The following ELK4 variants were observed in gnomAD, a reference collection of about 807,000 sequenced individuals.
ELK4 encodes ETS transcription factor ELK4, also known as ETS domain-containing protein Elk-4.
A neutral mutation model predicts 29.6 loss-of-function variants in ELK4; 16 were observed. The observed-to-expected ratio is 0.54, with a 90% CI of 0.37 to 0.82. The LOEUF is 0.82. Among genes scored for constraint, ELK4 ranks in the 40% least tolerant of loss-of-function variants. The probability of loss-of-function intolerance (pLI) is 0.00; values close to 1 mark genes in which losing one functional copy is unlikely to be tolerated. For missense variants in ELK4, 465 were observed against 507.1 expected (o/e 0.92, Z 0.80); for synonymous variants, 213 against 191.1 (o/e 1.11, Z -0.95).
At chr1:205,619,936 T>C (rs773513586) in intron 3 of ELK4, 30 bp downstream of exon 3, 2 of 1,614,014 alleles carry the variant, frequency 1.2e-6, no homozygotes, top group Non-Finnish European at 1.7e-6. Flanking sequence ...ATGAAAGCAA[T>C]GGTGACACCA....
At position 205,631,731 on chromosome 1, in the gene ELK4, G is replaced by A. The variant is rs1670595604; in HGVS notation, c.-109C>T. 3.2e-6 allele frequency: 1 copy of A among 310,590 alleles called. No individual in the cohort carries two copies. The highest frequency in any genetic ancestry group is 6.8e-6 in the Non-Finnish European group (1 of 147,862). 19.2% of individuals were successfully genotyped at this position (310,590 alleles called of 1,614,324 possible). A position where few individuals can be genotyped will look rare whatever the true frequency, so the allele number is the denominator to read the frequency against. ...CACGCTGGAAACTCGAGGACGGCGC[G>A]GCAGCCGCTGCGACCCCCGCGGCGG... On this transcript the variant is annotated 5_prime_UTR_variant, in exon 1 of 5. Transcript: ENST00000357992.
chr1:205,617,986 A>T (rs28495285), intron 4 of ELK4, among the ~76,000 whole-genome samples: 5,024 of 124,318 alleles, frequency 0.04, 109 homozygotes, highest in African/African-American at 0.069. Flanking sequence ...TGTGTGTGTG[A>T]GAGAGAGAGA....
At chr1:205,629,764 GAC>G (rs1670541173) in intron 1 of ELK4, among the ~76,000 whole-genome samples, 2 of 150,654 alleles carry the variant, frequency 1.3e-5, no homozygotes, top group African/African-American at 4.9e-5. Flanking sequence ...AATCCCCTAA[GAC>G]AGTTATTAAA....
chr1:205,620,990 A>G, intron 2 of ELK4, 152 bp from the exon 3 acceptor site: 2 of 874,334 alleles, frequency 2.3e-6, no homozygotes, highest in Non-Finnish European at 3.4e-6. Flanking sequence ...AGGTCAGGAG[A>G]TTGAGACCAG....
chr1:205,629,616 C>G (rs1489705271), intron 1 of ELK4, among the ~76,000 whole-genome samples: 1 of 152,056 alleles, frequency 6.6e-6, no homozygotes, highest in Non-Finnish European at 1.5e-5. Flanking sequence ...ACTAGGGAGG[C>G]TGAGGCAGAA....
rs554517642 is a variant in ELK4 at position 205,626,096 on chromosome 1, C to G, written c.-9-2205G>C. 2.7e-5 allele frequency: 24 copies of G among 892,608 alleles called. No homozygotes were observed. In the East Asian group the frequency reaches 5.9e-4, roughly 22 times the overall value. The allele number at this position is 892,608 out of a possible 1,614,324, so 55.3% of individuals were successfully genotyped here. A position where few individuals can be genotyped will look rare whatever the true frequency, so the allele number is the denominator to read the frequency against. ...CAATGGGTCAGCTCTACCAGGAACA[C>G]CATGAAGACTTCTTTCTCTACGTTG... On this transcript the variant is annotated intron_variant, in intron 1 of 4. Transcript: ENST00000357992.
At chr1:205,626,507 G>T (rs1670466465) in intron 1 of ELK4, among the ~76,000 whole-genome samples, 1 of 152,030 alleles carries the variant, frequency 6.6e-6, no homozygotes, top group Admixed American at 6.6e-5. Flanking sequence ...TTTTTGGGGG[G>T]TAGTTGGAAG....
intron 4 of ELK4, among the ~76,000 whole-genome samples, chr1:205,617,861 A>T (rs1036758346): frequency 6.6e-6 from 1 of 152,078 alleles, no homozygotes; most frequent in Non-Finnish European, 1.5e-5. Flanking sequence ...AGATCGTGCC[A>T]TTGCATTCTG....
At chr1:205,628,007 A>G (rs886163384) in intron 1 of ELK4, among the ~76,000 whole-genome samples, 1 of 152,230 alleles carries the variant, frequency 6.6e-6, no homozygotes, top group South Asian at 2.1e-4. Context: ...TCCATTAGGG[A>G]AACCACTTTC....
rs1370460610 is a variant in ELK4 at position 205,616,514 on chromosome 1, T to C, written c.*32A>G. On this transcript the variant is annotated 3_prime_UTR_variant, in exon 5 of 5. Coordinates refer to ENST00000357992, the MANE Select transcript of ELK4 (RefSeq NM_001973.4). The stretch of plus-strand genomic sequence containing the variant: ...TCATGTTGAATGTCTGTTTCTTCGT[T>C]CCTCGGTTCTCTCATTCCACAAGTG... 1 of 1,577,962 alleles carries C rather than the reference T, an allele frequency of 6.3e-7. No individual in the cohort carries two copies. The highest frequency in any genetic ancestry group is 1.3e-5 in the African/African-American group (1 of 74,212).
chr1:205,614,721 C>A lies in ELK4; in HGVS notation c.*1825G>T, dbSNP rs1299677995. ...TATATAAGCACATTTAAAGTAAATA[C>A]CATGCATCTGAAGATGCTAGTTTGT... On this transcript the variant is annotated 3_prime_UTR_variant, in exon 5 of 5. Coordinates refer to ENST00000357992, the MANE Select transcript of ELK4 (RefSeq NM_001973.4). The A allele has an allele frequency of 2.2e-5, 5 of 224,940 alleles. No homozygotes were observed. Among genetic ancestry groups the A allele is most frequent in the Non-Finnish European group, 2.7e-5 (3 of 113,006 alleles). The allele number at this position is 224,940 out of a possible 1,614,324, so 13.9% of individuals were successfully genotyped here.
At chr1:205,625,925 C>A in intron 1 of ELK4, 1 of 772,414 alleles carries the variant, frequency 1.3e-6, no homozygotes, top group Admixed American at 1.7e-5. Flanking sequence ...GATCCGCCTG[C>A]CTTGGCCTCC....
chr1:205,619,903 G>A (rs1455983831), intron 3 of ELK4, 63 bp downstream of exon 3: 1 of 1,614,120 alleles, frequency 6.2e-7, no homozygotes, highest in Admixed American at 1.7e-5. Context: ...ATAAATTCTG[G>A]ATTTGCTTAA....
In ELK4 at chr1:205,623,697, G is replaced by A. The variant is rs190546616; in HGVS notation, c.186C>T (p.Ala62=). Residue 62 remains alanine (A), a synonymous_variant, in exon 2 of 5, where the codon GCC becomes GCT. Transcript: ENST00000357992. ...CTACCTTTACATAATAGTATCTGAG[G>A]GCTCGGCTGAGTTTGTCATAATTCA... ...PNMNYDKLSR[A]LRYYYVKNII... is the part of the protein sequence containing the mutation. The A allele has an allele frequency of 7.4e-6, 12 of 1,613,944 alleles. No individual in the cohort carries two copies. In the East Asian group the frequency reaches 2.5e-4, roughly 33 times the overall value.
intron 3 of ELK4, 165 bp downstream of exon 3, chr1:205,619,801 T>G: frequency 6.5e-7 from 1 of 1,540,078 alleles, no homozygotes. Flanking sequence ...TTAGCAATCC[T>G]AATTAAGATG....
chr1:205,615,613 C>A lies in ELK4; in HGVS notation c.*933G>T. The A allele has an allele frequency of 5.0e-6, 1 of 198,466 alleles. No homozygotes were observed. The highest frequency in any genetic ancestry group is 1.0e-5 in the Non-Finnish European group (1 of 96,140). 12.3% of individuals were successfully genotyped at this position (198,466 alleles called of 1,614,324 possible). A position where few individuals can be genotyped will look rare whatever the true frequency, so the allele number is the denominator to read the frequency against. Reference sequence around the variant, plus strand: ...TTGGTTATCTTCTAATTGAGAAAACCACTACATGTTGTTTCAAGTTATCTG... The same window carrying A: ...TTGGTTATCTTCTAATTGAGAAAACAACTACATGTTGTTTCAAGTTATCTG... On this transcript the variant is annotated 3_prime_UTR_variant, in exon 5 of 5. Coordinates refer to ENST00000357992, the MANE Select transcript of ELK4 (RefSeq NM_001973.4).
At chr1:205,619,527 T>C in intron 3 of ELK4, 1 of 1,114,170 alleles carries the variant, frequency 9.0e-7, no homozygotes, top group Non-Finnish European at 1.1e-6. Context: ...TTCTATGAGA[T>C]GAGCAAGTTA....
intron 1 of ELK4, among the ~76,000 whole-genome samples, chr1:205,628,064 T>C (rs1670501603): frequency 6.6e-6 from 1 of 152,210 alleles, no homozygotes; most frequent in Non-Finnish European, 1.5e-5. Flanking sequence ...TAAAAAAGCA[T>C]TACATATTAG....
rs1176451658 is a variant in ELK4 at position 205,631,854 on chromosome 1, C to T, written c.-232G>A. The T allele has an allele frequency of 6.8e-6, 1 of 148,136 alleles. No individual in the cohort carries two copies. The highest frequency in any genetic ancestry group is 1.5e-5 in the Non-Finnish European group (1 of 66,742). The allele number at this position is 148,136 out of a possible 1,614,324, so 9.2% of individuals were successfully genotyped here. ...GGCTCCTGGCGCCCCGCCCTCCCCGCCCCCGCACGCGGCAGCGGCGGCGCG... is the reference window on the plus strand; with the variant it reads ...GGCTCCTGGCGCCCCGCCCTCCCCGTCCCCGCACGCGGCAGCGGCGGCGCG... On this transcript the variant is annotated 5_prime_UTR_variant, in exon 1 of 5. Coordinates refer to ENST00000357992, the MANE Select transcript of ELK4 (RefSeq NM_001973.4).
Sources: allele counts gnomAD v4.1 joint callset (sites outside exome capture counted in the v4.1 genomes callset), GRCh38; gene constraint gnomAD v4.1.1; transcripts MANE v1.5; gene names NCBI Gene and HGNC (gene_info 2026-07-23, HGNC 2026-07-21).